EIF4B: variants seen among roughly 807,000 people sequenced by gnomAD.
EIF4B encodes the protein eukaryotic translation initiation factor 4B.
In EIF4B, 8 loss-of-function variants were observed where a neutral mutation model predicts 79.3. The ratio of observed to expected loss-of-function variants is 0.10; its 90% CI spans 0.06 to 0.18. The LOEUF (loss-of-function observed/expected upper bound fraction) is 0.18, where lower values mean the gene tolerates loss of function less well. Ranked by LOEUF, EIF4B falls within the 10% of genes least tolerant of loss-of-function variation. EIF4B has a pLI of 1.00. For synonymous variants in EIF4B, 238 were observed against 274.7 expected (o/e 0.87, Z 1.32); for missense variants, 515 against 792.4 (o/e 0.65, Z 4.20).
chr12:53,027,728 T>C, intron 6 of EIF4B, 54 bp from the exon 7 acceptor site: 1 of 1,569,098 alleles, frequency 6.4e-7, no homozygotes, highest in Non-Finnish European at 8.7e-7. Flanking sequence ...TTACCGTGTT[T>C]CTATTAATGG....
chr12:53,034,553 G>C, intron 9 of EIF4B, 59 bp from the exon 10 acceptor site: 1 of 1,552,618 alleles, frequency 6.4e-7, no homozygotes, highest in Admixed American at 1.7e-5. Flanking sequence ...GTCAGCATGG[G>C]TCTAAGGTGG....
chr12:53,025,893 G>C (rs1943325594), intron 6 of EIF4B, among the ~76,000 whole-genome samples: 1 of 152,066 alleles, frequency 6.6e-6, no homozygotes, highest in South Asian at 2.1e-4. Flanking sequence ...GGATCATGAG[G>C]TCAGGAGATT....
chr12:53,032,965 C>T (rs541178269), intron 8 of EIF4B, among the ~76,000 whole-genome samples: 2 of 152,050 alleles, frequency 1.3e-5, no homozygotes, highest in East Asian at 3.9e-4. Context: ...GCCATTGCGC[C>T]CGGCCAGAAC....
rs1482405063 is a variant in EIF4B at position 53,021,834 on chromosome 12, A to G, written c.506A>G (p.Asp169Gly). Residue 169 changes from aspartate to glycine, a missense_variant, in exon 5 of 15, where the codon GAC becomes GGC. By Grantham distance (94) the Asp-to-Gly change is moderately conservative. Coordinates refer to ENST00000262056, the MANE Select transcript of EIF4B (RefSeq NM_001417.7). ...ESLGNRRIRV[D>G]VADQAQDKDR... ...CTAGGTAACAGGAGAATTCGAGTGG[A>G]CGTTGCTGATCAAGCACAGGATAAA... 1 of 1,614,102 alleles carries G rather than the reference A, an allele frequency of 6.2e-7. No homozygotes were observed. Among genetic ancestry groups the G allele is most frequent in the Admixed American group, 1.7e-5 (1 of 60,010 alleles).
At position 53,039,511 on chromosome 12, in the gene EIF4B, G is replaced by T. The variant is rs1352022974; in HGVS notation, c.1683-119G>T. The T allele has an allele frequency of 8.4e-6, 11 of 1,315,618 alleles. No individual in the cohort carries two copies. In the Admixed American group the frequency reaches 1.5e-4, roughly 17 times the overall value. The allele number at this position is 1,315,618 out of a possible 1,614,324, so 81.5% of individuals were successfully genotyped here. ...AAATCTAGAAGTAATACATCATCCAGACAACAAGGACTGTTGACTAGAGGT... is the reference window on the plus strand; with the variant it reads ...AAATCTAGAAGTAATACATCATCCATACAACAAGGACTGTTGACTAGAGGT... On this transcript the variant is annotated intron_variant, in intron 13 of 14. Coordinates refer to ENST00000262056, the MANE Select transcript of EIF4B (RefSeq NM_001417.7).
At chr12:53,020,062 A>G (rs1943223314) in intron 4 of EIF4B, 36 bp downstream of exon 4, 2 of 1,526,954 alleles carry the variant, frequency 1.3e-6, no homozygotes, top group Non-Finnish European at 1.8e-6. Context: ...GAGGGGTGTA[A>G]GTTCACAAAT....
chr12:53,010,374 A>G (rs1943043707), intron 1 of EIF4B, among the ~76,000 whole-genome samples: 1 of 152,132 alleles, frequency 6.6e-6, no homozygotes, highest in Non-Finnish European at 1.5e-5. Context: ...TTGACTTTAC[A>G]ATGGGTTTAT....
rs1216894932 is a variant in EIF4B, at chr12:53,039,762, T to C, written c.1755+60T>C. The C allele has an allele frequency of 2.6e-6, 4 of 1,526,392 alleles. No homozygotes were observed. The African/African-American group carries it at 4.2e-5, about 16-fold the overall frequency. 94.6% of individuals were successfully genotyped at this position (1,526,392 alleles called of 1,614,324 possible). On this transcript the variant is annotated intron_variant, in intron 14 of 14. Transcript: ENST00000262056. ...TAAGAAAAATTCTTAGAATTCTAAG[T>C]ATTCTTACTAAGAATTAAAAATTCT... is the stretch of plus-strand genomic sequence containing the variant.
chr12:53,024,389 A>G (rs1217588695), intron 6 of EIF4B, among the ~76,000 whole-genome samples: 5 of 152,228 alleles, frequency 3.3e-5, no homozygotes, highest in African/African-American at 1.2e-4. Flanking sequence ...AAACAATACC[A>G]TGTAGTATTA....
intron 8 of EIF4B, among the ~76,000 whole-genome samples, chr12:53,029,363 C>A (rs1943394568): frequency 7.2e-6 from 1 of 138,004 alleles, no homozygotes; most frequent in African/African-American, 2.6e-5. Flanking sequence ...TTTTTTCTAT[C>A]CTTTTTTTAT....
At chr12:53,007,044 G>A (rs1435443159) in intron 1 of EIF4B, among the ~76,000 whole-genome samples, 3 of 152,194 alleles carry the variant, frequency 2.0e-5, no homozygotes, top group African/African-American at 7.2e-5. Flanking sequence ...GAGGGTAGTA[G>A]AGACGGGCGC....
At chr12:53,038,740 C>T (rs985734847) in intron 12 of EIF4B, 1 of 166,134 alleles carries the variant, frequency 6.0e-6, no homozygotes, top group Non-Finnish European at 1.3e-5. Context: ...TTGCTTGAAC[C>T]CGGGAGACGG....
At chr12:53,019,431 ATAT>A (rs1943202130) in intron 3 of EIF4B, among the ~76,000 whole-genome samples, 1 of 35,208 alleles carries the variant, frequency 2.8e-5, no homozygotes, top group South Asian at 9.9e-4. Context: ...AATTATATAT[ATAT>A]ATATTTTTTT....
intron 1 of EIF4B, chr12:53,013,802 T>C (rs1249510267): frequency 2.6e-5 from 4 of 151,716 alleles, no homozygotes; most frequent in Non-Finnish European, 4.4e-5. Flanking sequence ...AAAAAAACCT[T>C]TGCATATGAG....
At chr12:53,009,545 C>G (rs892743120) in intron 1 of EIF4B, among the ~76,000 whole-genome samples, 3 of 152,034 alleles carry the variant, frequency 2.0e-5, no homozygotes, top group Admixed American at 6.5e-5. Flanking sequence ...CATATGTAAG[C>G]TCATGCACAG....
chr12:53,013,204 A>C (rs1943093849), intron 1 of EIF4B, among the ~76,000 whole-genome samples: 1 of 152,196 alleles, frequency 6.6e-6, no homozygotes, highest in South Asian at 2.1e-4. Flanking sequence ...CAAAGAGGAA[A>C]GGGATACCTT....
chr12:53,033,322 G>C (rs535731923), intron 8 of EIF4B, among the ~76,000 whole-genome samples: 2 of 137,274 alleles, frequency 1.5e-5, no homozygotes, highest in South Asian at 2.4e-4. Flanking sequence ...CCCAGCCTGA[G>C]CTACCTATTT....
chr12:53,028,322 T>C, intron 8 of EIF4B, 134 bp downstream of exon 8: 1 of 1,246,898 alleles, frequency 8.0e-7, no homozygotes, highest in Non-Finnish European at 1.1e-6. Context: ...CAAAGCATAG[T>C]AGAAAGAGCA....
intron 3 of EIF4B, among the ~76,000 whole-genome samples, chr12:53,019,682 T>TTC (rs1317577574): frequency 1.3e-5 from 2 of 149,166 alleles, no homozygotes; most frequent in Non-Finnish European, 3.0e-5. Context: ...AATCTTTTTT[T>TTC]TTTTTTTTTT....
Sources: allele counts gnomAD v4.1 joint callset (sites outside exome capture counted in the v4.1 genomes callset), GRCh38; gene constraint gnomAD v4.1.1; transcripts MANE v1.5; gene names NCBI Gene and HGNC (gene_info 2026-07-23, HGNC 2026-07-21).